Variants in FGD6 observed in about 807,000 individuals in gnomAD.
FGD6 encodes FYVE, RhoGEF and PH domain containing 6, also known as FYVE, RhoGEF and PH domain-containing protein 6.
FGD6 carries 90 observed loss-of-function variants against 149.4 expected under a neutral mutation model. The ratio of observed to expected loss-of-function variants is 0.60; its 90% CI spans 0.51 to 0.72. FGD6 has a LOEUF of 0.72. FGD6 is among the 30% of genes least tolerant of loss of function. The pLI is 0.00. For synonymous variants in FGD6, 527 were observed against 584.0 expected (o/e 0.90, Z 1.41); for missense variants, 1,437 against 1,684.8 (o/e 0.85, Z 2.57).
At chr12:95,187,122 G>GTCAGC (rs1555221984) in intron 2 of FGD6, among the ~76,000 whole-genome samples, 1 of 135,210 alleles carries the variant, frequency 7.4e-6, no homozygotes, top group South Asian at 2.5e-4. Context: ...ATGAGGTTAG[G>GTCAGC]AGATCGAGAC....
At chr12:95,119,714 G>A (rs992146608) in intron 8 of FGD6, among the ~76,000 whole-genome samples, 19 of 152,062 alleles carry the variant, frequency 1.2e-4, no homozygotes, top group African/African-American at 4.3e-4. Flanking sequence ...GCAGATCACC[G>A]GAGGTCAGGA....
At chr12:95,083,008 A>ATATAT (rs1338773595) in intron 20 of FGD6, among the ~76,000 whole-genome samples, 14 of 35,166 alleles carry the variant, frequency 4.0e-4, no homozygotes, top group African/African-American at 1.8e-3. Flanking sequence ...AAAAAAAAAA[A>ATATAT]AAAAATATAT....
At chr12:95,112,489 A>G (rs1188496550) in intron 9 of FGD6, among the ~76,000 whole-genome samples, 9 of 151,856 alleles carry the variant, frequency 5.9e-5, no homozygotes, top group Non-Finnish European at 1.5e-5. Flanking sequence ...AGTCCCAGCT[A>G]CTTGGGGGGC....
chr12:95,121,415 A>G (rs1299626324), intron 8 of FGD6, among the ~76,000 whole-genome samples: 1 of 144,568 alleles, frequency 6.9e-6, no homozygotes, highest in Non-Finnish European at 1.5e-5. Flanking sequence ...ACATCATTGC[A>G]CTCCAGCCTG....
In FGD6 at chr12:95,148,595, T is replaced by C. The variant is rs191558975; in HGVS notation, c.2685+4216A>G. ...ATAATACATAGCATATATTATATAATACATAGCATGTTATATATATTATAT... is the reference window on the plus strand; with the variant it reads ...ATAATACATAGCATATATTATATAACACATAGCATGTTATATATATTATAT... On this transcript the variant is annotated intron_variant, in intron 5 of 20. Transcript: ENST00000343958. Among the ~76,000 whole-genome samples the C allele has an allele frequency of 9.7e-4, 129 of 133,100 alleles. 1 individual carries two copies. The highest frequency in any genetic ancestry group is 3.4e-3 in the African/African-American group (121 of 35,740). 87.3% of individuals were successfully genotyped at this position (133,100 alleles called of 152,430 possible). A position where few individuals can be genotyped will look rare whatever the true frequency, so the allele number is the denominator to read the frequency against.
chr12:95,155,151 TA>T (rs1415983873), intron 3 of FGD6, among the ~76,000 whole-genome samples: 1 of 152,192 alleles, frequency 6.6e-6, no homozygotes, highest in Non-Finnish European at 1.5e-5. Flanking sequence ...GTTACTTTAT[TA>T]AAGCATGGGT....
chr12:95,217,259 G>T lies in FGD6; in HGVS notation c.-19C>A, dbSNP rs779126271. On this transcript the variant is annotated 5_prime_UTR_variant, in exon 1 of 21. Coordinates refer to ENST00000343958, the MANE Select transcript of FGD6 (RefSeq NM_018351.4). ...AAGTCATGATTCCCCGGTGCAGCTC[G>T]CTTCCCCGCTCGGCCCCTCAATCCA... 16 of 1,605,934 alleles carry T rather than the reference G, an allele frequency of 1.0e-5. No homozygotes were observed. The Admixed American group carries it at 2.5e-4, about 25-fold the overall frequency.
chr12:95,083,891 C>G (rs1224742810), intron 20 of FGD6, among the ~76,000 whole-genome samples: 1 of 152,208 alleles, frequency 6.6e-6, no homozygotes, highest in Non-Finnish European at 1.5e-5. Flanking sequence ...GACCTAATTT[C>G]ACAGAGGTAG....
At chr12:95,148,041 T>C (rs1880065704) in intron 5 of FGD6, among the ~76,000 whole-genome samples, 1 of 152,000 alleles carries the variant, frequency 6.6e-6, no homozygotes, top group Non-Finnish European at 1.5e-5. Flanking sequence ...ACAAAGGTAC[T>C]CTGAACAATG....
At chr12:95,150,332 A>C (rs1011335379) in intron 5 of FGD6, among the ~76,000 whole-genome samples, 1 of 151,806 alleles carries the variant, frequency 6.6e-6, no homozygotes, top group African/African-American at 2.4e-5. Context: ...CGGCCCAAAT[A>C]TTTTTTTAAA....
At chr12:95,109,762 T>C (rs1443609513) in intron 9 of FGD6, among the ~76,000 whole-genome samples, 1 of 152,004 alleles carries the variant, frequency 6.6e-6, no homozygotes, top group Non-Finnish European at 1.5e-5. Context: ...TTTGGGGCGC[T>C]CAGGTGGGAG....
chr12:95,215,965 T>C (rs1299368069), intron 1 of FGD6, among the ~76,000 whole-genome samples: 2 of 152,236 alleles, frequency 1.3e-5, no homozygotes, highest in Admixed American at 6.5e-5. Flanking sequence ...CACAGAAATG[T>C]AGGATGAAAA....
rs142897256 is a variant in FGD6 at position 95,156,759 on chromosome 12, G to A, written c.2587-3766C>T. The stretch of plus-strand genomic sequence containing the variant: ...CCTGCCGACATGTGATGTCTCCCCC[G>A]GACACTCAGCTTTAAAATTTCCCAC... On this transcript the variant is annotated intron_variant, in intron 3 of 20. Transcript: ENST00000343958. 3.4e-3 allele frequency among the ~76,000 whole-genome samples: 519 copies of A among 151,958 alleles called. 1 individual carries two copies. The highest frequency in any genetic ancestry group is 0.024 in the Middle Eastern group (7 of 294).
chr12:95,181,827 G>A (rs1035368539), intron 2 of FGD6, among the ~76,000 whole-genome samples: 3 of 151,876 alleles, frequency 2.0e-5, no homozygotes, highest in Non-Finnish European at 2.9e-5. Context: ...GGTGGCGGGC[G>A]CCTGTAGTCC....
At chr12:95,147,378 T>C (rs1335436355) in intron 5 of FGD6, among the ~76,000 whole-genome samples, 1 of 152,204 alleles carries the variant, frequency 6.6e-6, no homozygotes, top group Non-Finnish European at 1.5e-5. Context: ...AATGCAAAAC[T>C]GTAGAAAACA....
chr12:95,126,438 A>C, intron 8 of FGD6: 1 of 1,088,234 alleles, frequency 9.2e-7, no homozygotes, highest in Non-Finnish European at 1.3e-6. Context: ...AAAACAAACA[A>C]AAAACAAAGG....
chr12:95,134,696 G>T, intron 8 of FGD6, 43 bp downstream of exon 8: 1 of 1,572,464 alleles, frequency 6.4e-7, no homozygotes, highest in Non-Finnish European at 8.7e-7. Context: ...TTGGCTGATG[G>T]ATAAACCAAC....
At position 95,106,973 on chromosome 12, in the gene FGD6, A is replaced by G. The variant is rs560341965; in HGVS notation, c.3398T>C (p.Leu1133Pro). 1 of 1,613,338 alleles carries G rather than the reference A, an allele frequency of 6.2e-7. No homozygotes were observed. Among genetic ancestry groups the G allele is most frequent in the East Asian group, 2.2e-5 (1 of 44,864 alleles). Residue 1133 changes from leucine (L) to proline (P), a missense_variant, in exon 13 of 21, where the codon CTC (leucine) becomes CCC (proline). By Grantham distance (98) the Leu-to-Pro change is moderately conservative. Transcript: ENST00000343958. Reference sequence around the variant, plus strand: ...ACACACCTTCATTCCAGCCAGTGAGAGCATGTTGTTCAGTTTATACATCCC... The same window carrying G: ...ACACACCTTCATTCCAGCCAGTGAGGGCATGTTGTTCAGTTTATACATCCC... ...QSGMYKLNNM[L>P]SLAGMKVRKP...
At chr12:95,191,307 T>C (rs965295773) in intron 2 of FGD6, among the ~76,000 whole-genome samples, 1 of 152,180 alleles carries the variant, frequency 6.6e-6, no homozygotes, top group Non-Finnish European at 1.5e-5. Context: ...CAGATGCATG[T>C]GAGGTCTTTT....
Sources: allele counts gnomAD v4.1 joint callset (sites outside exome capture counted in the v4.1 genomes callset), GRCh38; gene constraint gnomAD v4.1.1; transcripts MANE v1.5; gene names NCBI Gene and HGNC (gene_info 2026-07-23, HGNC 2026-07-21).